KDM6A: variants seen among roughly 807,000 people sequenced by gnomAD.
The protein encoded by KDM6A is lysine-specific demethylase 6A.
A neutral mutation model predicts 117.6 loss-of-function variants in KDM6A; 11 were observed. The observed-to-expected ratio is 0.09, with a 90% CI of 0.06 to 0.15. KDM6A has a LOEUF of 0.15. Among genes scored for constraint, KDM6A ranks in the 10% least tolerant of loss-of-function variants. KDM6A has a pLI of 1.00. For missense variants in KDM6A, 799 were observed against 1,077.3 expected (o/e 0.74, Z 3.62); for synonymous variants, 384 against 396.1 (o/e 0.97, Z 0.36).
At chrX:44,894,002 T>C (rs1249673837) in intron 2 of KDM6A, among the ~76,000 whole-genome samples, 1 of 112,141 alleles carries the variant, frequency 8.9e-6, no homozygotes, top group Non-Finnish European at 1.9e-5. Context: ...TCATGGCATA[T>C]ACTTCTTTGT....
chrX:45,042,263 G>GTGGA (rs2043285210), intron 8 of KDM6A, among the ~76,000 whole-genome samples: 1 of 9,837 alleles, frequency 1.0e-4, no homozygotes, highest in Admixed American at 9.8e-4. Context: ...TGGAGGGAGA[G>GTGGA]GGGAGAGGGG....
intron 2 of KDM6A, among the ~76,000 whole-genome samples, chrX:44,908,838 A>G (rs1044412286): frequency 4.5e-5 from 5 of 111,845 alleles, no homozygotes; most frequent in Non-Finnish European, 9.4e-5. Context: ...TAATTCCTTC[A>G]CTTTCTTTTC....
chrX:45,110,300 A>G, intron 29 of KDM6A, 51 bp downstream of exon 29: 1 of 1,082,628 alleles, frequency 9.2e-7, no homozygotes, highest in South Asian at 1.9e-5. Flanking sequence ...ATGAAGCAGC[A>G]GTGTTTGCTC....
intron 23 of KDM6A, among the ~76,000 whole-genome samples, 166 bp downstream of exon 23, chrX:45,082,955 A>T (rs754722526): frequency 2.7e-5 from 3 of 111,124 alleles, no homozygotes; most frequent in South Asian, 7.4e-4. Context: ...TTAAAATTTT[A>T]AAATTTTTTT....
At chrX:44,952,375 G>A (rs908971023) in intron 2 of KDM6A, among the ~76,000 whole-genome samples, 6 of 107,342 alleles carry the variant, frequency 5.6e-5, no homozygotes, top group Admixed American at 2.0e-4. Context: ...AGGTTCGAGC[G>A]ATTCTCCTGC....
rs767423944 is a variant in KDM6A at position 45,011,351 on chromosome X, C to T, written c.443+332C>T. Among the ~76,000 whole-genome samples the T allele has an allele frequency of 1.7e-3, 192 of 111,147 alleles. 2 individuals are homozygous for T. The highest frequency in any genetic ancestry group is 4.7e-3 in the Middle Eastern group (1 of 213). On this transcript the variant is annotated intron_variant, in intron 5 of 29. Transcript: ENST00000611820. ...ATTTGAACTGGTGAATCACTGTGAT[C>T]TCAGAAGTCAAGATATGTGGGTAAA... is the stretch of plus-strand genomic sequence containing the variant.
At chrX:45,068,204 G>A (rs1231979610) in intron 17 of KDM6A, among the ~76,000 whole-genome samples, 2 of 111,335 alleles carry the variant, frequency 1.8e-5, no homozygotes, top group South Asian at 3.7e-4. Context: ...ATGTAAACTC[G>A]TTTTATGATT....
chrX:44,883,898 T>C (rs943616404), intron 2 of KDM6A, among the ~76,000 whole-genome samples: 2 of 108,497 alleles, frequency 1.8e-5, no homozygotes, highest in Non-Finnish European at 3.8e-5. Context: ...AGGTCGGGAG[T>C]TCGAGACCAG....
At chrX:44,959,993 C>G (rs780950510) in intron 2 of KDM6A, among the ~76,000 whole-genome samples, 1 of 111,449 alleles carries the variant, frequency 9.0e-6, no homozygotes, top group East Asian at 2.8e-4. Context: ...ATGGATTATC[C>G]AAACTTGTTG....
chrX:44,878,937 G>A (rs1569328549), intron 2 of KDM6A, among the ~76,000 whole-genome samples: 2 of 110,703 alleles, frequency 1.8e-5, no homozygotes, highest in African/African-American at 6.6e-5. Flanking sequence ...GGCCAGACTG[G>A]TCTCAAACTC....
chrX:44,886,626 A>T (rs2032909430), intron 2 of KDM6A, among the ~76,000 whole-genome samples: 1 of 107,163 alleles, frequency 9.3e-6, no homozygotes, highest in African/African-American at 3.4e-5. Flanking sequence ...AGTAGCTGGG[A>T]TTACAGGCAC....
intron 4 of KDM6A, among the ~76,000 whole-genome samples, chrX:45,004,023 CAAGAT>C (rs1455623166): frequency 7.3e-5 from 8 of 109,550 alleles, no homozygotes; most frequent in African/African-American, 2.3e-4. Context: ...GAGAGGGACT[CAAGAT>C]AAAAGAGACA....
chrX:45,107,808 A>T (rs1348821752), intron 28 of KDM6A, among the ~76,000 whole-genome samples: 1 of 111,734 alleles, frequency 8.9e-6, no homozygotes, highest in East Asian at 2.8e-4. Flanking sequence ...TTAGTCTGAG[A>T]TTTTAAACTA....
intron 2 of KDM6A, among the ~76,000 whole-genome samples, chrX:44,889,292 G>GGT (rs2033151338): frequency 8.9e-6 from 1 of 112,198 alleles, no homozygotes; most frequent in Non-Finnish European, 1.9e-5. Context: ...TGGAATTGCA[G>GGT]GTGTGAGCTA....
In KDM6A at chrX:44,951,181, C is replaced by G. The variant is rs777727924; in HGVS notation, c.226-10103C>G. Among the ~76,000 whole-genome samples the G allele has an allele frequency of 1.9e-3, 212 of 111,606 alleles. 1 individual carries two copies. The highest frequency in any genetic ancestry group is 4.3e-3 in the Admixed American group (45 of 10,471). ...CTCATGGTGACTGGCCAAGGAGGCA[C>G]CCCTCTGTGCAGAGGTAAAATTGCT... On this transcript the variant is annotated intron_variant, in intron 2 of 29. Transcript: ENST00000611820.
At chrX:44,954,922 A>G (rs971271790) in intron 2 of KDM6A, among the ~76,000 whole-genome samples, 2 of 110,973 alleles carry the variant, frequency 1.8e-5, no homozygotes, top group East Asian at 5.7e-4. Flanking sequence ...AAAAAGGGGA[A>G]TGGTTATGGG....
chrX:44,905,802 T>A (rs905512095), intron 2 of KDM6A, among the ~76,000 whole-genome samples: 1 of 112,533 alleles, frequency 8.9e-6, no homozygotes, highest in African/African-American at 3.2e-5. Context: ...CATATATGAT[T>A]GTGAAATATT....
At chrX:44,901,525 A>C (rs1006058028) in intron 2 of KDM6A, among the ~76,000 whole-genome samples, 3 of 110,735 alleles carry the variant, frequency 2.7e-5, no homozygotes, top group African/African-American at 9.9e-5. Flanking sequence ...GGAGTCTTCT[A>C]TTTTCTTGTG....
At chrX:45,076,234 C>T (rs1207539314) in intron 18 of KDM6A, among the ~76,000 whole-genome samples, 2 of 111,029 alleles carry the variant, frequency 1.8e-5, no homozygotes, top group Non-Finnish European at 3.8e-5. Context: ...GAAAAAATCT[C>T]AGGTTTGAGA....
Sources: allele counts gnomAD v4.1 joint callset (sites outside exome capture counted in the v4.1 genomes callset), GRCh38; gene constraint gnomAD v4.1.1; transcripts MANE v1.5; gene names NCBI Gene and HGNC (gene_info 2026-07-23, HGNC 2026-07-21).